Variants in FXR1 observed in about 807,000 individuals in gnomAD.
The protein encoded by FXR1 is RNA-binding protein FXR1.
In FXR1, 15 loss-of-function variants were observed where a neutral mutation model predicts 84.0. The observed-to-expected ratio is 0.18, with a 90% CI of 0.12 to 0.27. FXR1 has a LOEUF of 0.27. Ranked by LOEUF, FXR1 falls within the 10% of genes least tolerant of loss-of-function variation. The pLI is 1.00. For synonymous variants in FXR1, 245 were observed against 250.7 expected, an observed-to-expected ratio of 0.98 and a Z score of 0.21; for missense variants, 480 against 774.4, an observed-to-expected ratio of 0.62 and a Z score of 4.51.
intron 1 of FXR1, among the ~76,000 whole-genome samples, chr3:180,931,344 G>A (rs1487254407): frequency 1.3e-5 from 2 of 151,364 alleles, no homozygotes; most frequent in Non-Finnish European, 2.9e-5. Flanking sequence ...TCGGCCTCCC[G>A]AGTAGCTGGG....
intron 1 of FXR1, among the ~76,000 whole-genome samples, chr3:180,927,107 A>G (rs1019349986): frequency 3.3e-5 from 5 of 152,108 alleles, no homozygotes; most frequent in African/African-American, 1.2e-4. Flanking sequence ...CTTGCCTTAA[A>G]TATCTTTTTA....
At chr3:180,926,845 A>G (rs980113435) in intron 1 of FXR1, among the ~76,000 whole-genome samples, 10 of 152,082 alleles carry the variant, frequency 6.6e-5, no homozygotes, top group African/African-American at 2.4e-4. Context: ...CTAAAGTAAC[A>G]GATGAATTAG....
At chr3:180,953,113 G>A (rs534593853) in intron 8 of FXR1, among the ~76,000 whole-genome samples, 1 of 152,252 alleles carries the variant, frequency 6.6e-6, no homozygotes, top group East Asian at 1.9e-4. Flanking sequence ...AAAGTGCAGG[G>A]ATTACAGGCG....
intron 1 of FXR1, chr3:180,927,499 C>A: frequency 2.0e-6 from 1 of 507,112 alleles, no homozygotes; most frequent in East Asian, 3.4e-5. Flanking sequence ...ATATTCATAC[C>A]ATGTTTCTTT....
rs1357720535 is a variant in FXR1, at chr3:180,976,420, C to A, written c.*128C>A. The stretch of plus-strand genomic sequence containing the variant: ...ACTTTCAGTTCCTCCATTTGGAATT[C>A]AAAAAGGGGAGGGATCCTGAAGAAA... On this transcript the variant is annotated 3_prime_UTR_variant, in exon 17 of 17. Coordinates refer to ENST00000357559, the MANE Select transcript of FXR1 (RefSeq NM_005087.4). The A allele has an allele frequency of 2.2e-5, 13 of 597,998 alleles. No homozygotes were observed. The highest frequency in any genetic ancestry group is 3.5e-5 in the Non-Finnish European group (12 of 343,348). 37.0% of individuals were successfully genotyped at this position (597,998 alleles called of 1,614,324 possible).
In FXR1 at chr3:180,970,154, A is replaced by G. The variant is rs1198853700; in HGVS notation, c.1403-4A>G. 4.5e-6 allele frequency: 7 copies of G among 1,540,964 alleles called. No homozygotes were observed. The highest frequency in any genetic ancestry group is 5.4e-6 in the Non-Finnish European group (6 of 1,114,366). The stretch of plus-strand genomic sequence containing the variant: ...AATATTTCTTGCCTCTGACATGAAT[A>G]TAGTGCTCAAAGATCCAGACAGCAA... On this transcript the variant is annotated splice_polypyrimidine_tract_variant and splice_region_variant and intron_variant, in intron 14 of 16. Transcript: ENST00000357559.
intron 7 of FXR1, among the ~76,000 whole-genome samples, chr3:180,950,376 C>A (rs1251227513): frequency 6.6e-6 from 1 of 151,926 alleles, no homozygotes; most frequent in Non-Finnish European, 1.5e-5. Context: ...TTTCTTTTCC[C>A]CATTCATTTT....
chr3:180,914,710 C>A, intron 1 of FXR1: 2 of 798,298 alleles, frequency 2.5e-6, no homozygotes, highest in Non-Finnish European at 3.0e-6. Flanking sequence ...TATAATTGAT[C>A]TCTATACATA....
Position 180,977,444 on chromosome 3 carries a change from G to C in FXR1, c.*1152G>C, listed in dbSNP as rs1017123690. 6.6e-6 allele frequency: 1 copy of C among 152,060 alleles called. No individual in the cohort carries two copies. The highest frequency in any genetic ancestry group is 1.5e-5 in the Non-Finnish European group (1 of 67,964). 9.4% of individuals were successfully genotyped at this position (152,060 alleles called of 1,614,324 possible). A position where few individuals can be genotyped will look rare whatever the true frequency, so the allele number is the denominator to read the frequency against. On this transcript the variant is annotated 3_prime_UTR_variant, in exon 17 of 17. Coordinates refer to ENST00000357559, the MANE Select transcript of FXR1 (RefSeq NM_005087.4). Reference sequence around the variant, plus strand: ...CAACTTTGGAAGACAATGGGGGATAGAAGGGATGACAAGCAATTTTTAAAT... The same window carrying C: ...CAACTTTGGAAGACAATGGGGGATACAAGGGATGACAAGCAATTTTTAAAT...
chr3:180,919,018 A>G (rs1023142422), intron 1 of FXR1, among the ~76,000 whole-genome samples: 1 of 152,198 alleles, frequency 6.6e-6, no homozygotes, highest in East Asian at 1.9e-4. Context: ...TTGAAGTACA[A>G]ATGTTTTGCC....
chr3:180,981,873 CA>C lies in FXR1; in HGVS notation c.*5582del, dbSNP rs1192964582. On this transcript the variant is annotated 3_prime_UTR_variant, in exon 17 of 17. Transcript: ENST00000357559. ...CTGGCTTCTGTTTACCTGGCTTCTG[CA>C]GAAGTTTAACTTGTAACCTACCTCT... 1.3e-5 allele frequency: 2 copies of C among 152,020 alleles called. No individual in the cohort carries two copies. Among genetic ancestry groups the C allele is most frequent in the East Asian group, 3.8e-4 (2 of 5,200 alleles). 9.4% of individuals were successfully genotyped at this position (152,020 alleles called of 1,614,324 possible).
At chr3:180,949,875 C>T (rs1027985439) in intron 7 of FXR1, among the ~76,000 whole-genome samples, 1 of 152,136 alleles carries the variant, frequency 6.6e-6, no homozygotes, top group Non-Finnish European at 1.5e-5. Flanking sequence ...TGCCAAAGAG[C>T]TAAGAAACTA....
chr3:180,926,497 TATATA>T (rs761192821), intron 1 of FXR1, among the ~76,000 whole-genome samples: 19,339 of 122,068 alleles, frequency 0.16, 1,764 homozygotes, highest in African/African-American at 0.29. Context: ...TATATATATA[TATATA>T]TATATTTTTT....
intron 1 of FXR1, among the ~76,000 whole-genome samples, chr3:180,926,504 A>ATTTTTT (rs1289994089): frequency 6.2e-4 from 59 of 95,296 alleles, no homozygotes; most frequent in African/African-American, 2.2e-3. Flanking sequence ...ATATATATAT[A>ATTTTTT]TATTTTTTTT....
intron 1 of FXR1, 111 bp from the exon 2 acceptor site, chr3:180,933,223 C>G: frequency 1.5e-6 from 1 of 663,814 alleles, no homozygotes; most frequent in African/African-American, 1.8e-5. Context: ...CTGCCTAATT[C>G]CAAACCTTGT....
chr3:180,947,747 TAAATA>T (rs1489345834), intron 3 of FXR1, 113 bp from the exon 4 acceptor site: 20 of 489,194 alleles, frequency 4.1e-5, no homozygotes, highest in Non-Finnish European at 5.9e-5. Flanking sequence ...TATGCCAATT[TAAATA>T]AAATAGCATT....
At chr3:180,952,530 C>G (rs993577480) in intron 8 of FXR1, among the ~76,000 whole-genome samples, 2 of 151,582 alleles carry the variant, frequency 1.3e-5, no homozygotes, top group Non-Finnish European at 1.5e-5. Flanking sequence ...GTCCTCTAGC[C>G]TGAGCAACAG....
chr3:180,935,635 CAG>C (rs1333152185), intron 3 of FXR1, among the ~76,000 whole-genome samples: 3 of 152,144 alleles, frequency 2.0e-5, no homozygotes, highest in Admixed American at 2.0e-4. Flanking sequence ...TGATCATTAA[CAG>C]AGTTCATATG....
intron 9 of FXR1, among the ~76,000 whole-genome samples, chr3:180,956,801 C>T (rs1722783155): frequency 6.6e-6 from 1 of 151,942 alleles, no homozygotes; most frequent in Non-Finnish European, 1.5e-5. Flanking sequence ...CCATTATAGT[C>T]CTTTTATTGT....
Sources: allele counts gnomAD v4.1 joint callset (sites outside exome capture counted in the v4.1 genomes callset), GRCh38; gene constraint gnomAD v4.1.1; transcripts MANE v1.5; gene names NCBI Gene and HGNC (gene_info 2026-07-23, HGNC 2026-07-21).